MIS18A: variants seen among roughly 807,000 people sequenced by gnomAD.
MIS18A encodes the protein protein Mis18-alpha.
A neutral mutation model predicts 25.0 loss-of-function variants in MIS18A; 14 were observed. That is an observed-to-expected ratio of 0.56 (90% confidence interval 0.37 to 0.88). The LOEUF is 0.88. MIS18A is among the 40% of genes least tolerant of loss of function. The probability of loss-of-function intolerance (pLI) is 0.00; values close to 1 mark genes in which losing one functional copy is unlikely to be tolerated. For synonymous variants in MIS18A, 134 were observed against 118.6 expected, an observed-to-expected ratio of 1.13 and a Z score of -0.84; for missense variants, 292 against 290.8, an observed-to-expected ratio of 1.00 and a Z score of -0.03.
the MIS18A span, among the ~76,000 whole-genome samples, chr21:32,251,843 T>G: frequency 0.018 from 2,709 of 152,314 alleles, 35 homozygotes; most frequent in Non-Finnish European, 0.024. Flanking sequence ...CACTTGTGTT[T>G]ATGGTCCATA....
chr21:32,224,976 A>G, the MIS18A span, among the ~76,000 whole-genome samples: 1 of 132,982 alleles, frequency 7.5e-6, no homozygotes, highest in African/African-American at 2.9e-5. Flanking sequence ...ATAACGCCGC[A>G]TACCTACAAC....
At chr21:32,262,744 T>C in the MIS18A span, among the ~76,000 whole-genome samples, 2 of 152,214 alleles carry the variant, frequency 1.3e-5, no homozygotes, top group Admixed American at 1.3e-4. Context: ...AAAAGAGTTA[T>C]AGAGTTCATT....
chr21:32,199,823 C>CACAA, the MIS18A span, among the ~76,000 whole-genome samples: 4 of 151,898 alleles, frequency 2.6e-5, no homozygotes, highest in South Asian at 8.3e-4. Context: ...CAAAAACAAA[C>CACAA]ACAAACAAAC....
the MIS18A span, among the ~76,000 whole-genome samples, chr21:32,200,150 C>T: frequency 3.9e-5 from 6 of 152,188 alleles, no homozygotes; most frequent in Admixed American, 2.6e-4. Context: ...AACTAGTCAA[C>T]TATATCACTG....
In MIS18A at chr21:32,269,038, C is replaced by T. The variant is rs780011975; in HGVS notation, c.701G>A (p.Ter234=). The change falls in exon 5 of 5, where the codon TGA becomes TAA. Residue 234 remains the stop codon, a stop_retained_variant. Transcript: ENST00000290130. Reference sequence around the variant, plus strand: ...AGAATGGAGGACACAGACTAGAGTTCAGCTTTTACAAGTGGCAAAGGACAA... The same window carrying T: ...AGAATGGAGGACACAGACTAGAGTTTAGCTTTTACAAGTGGCAAAGGACAA... ...SKLSFATCKS[*] is the part of the protein sequence containing the mutation. 1 of 1,596,808 alleles carries T rather than the reference C, an allele frequency of 6.3e-7. No individual in the cohort carries two copies. Among genetic ancestry groups the T allele is most frequent in the Non-Finnish European group, 8.6e-7 (1 of 1,168,982 alleles).
chr21:32,175,813 AAAAAC>A, the MIS18A span, among the ~76,000 whole-genome samples: 42 of 150,386 alleles, frequency 2.8e-4, no homozygotes, highest in African/African-American at 9.1e-4. Context: ...CCATCTCAAA[AAAAAC>A]AAAAACAAAA....
the MIS18A span, among the ~76,000 whole-genome samples, chr21:32,231,152 C>T: frequency 1.3e-5 from 2 of 150,856 alleles, no homozygotes; most frequent in Non-Finnish European, 3.0e-5. Context: ...CAGAGAATCC[C>T]TTGAACCTGG....
At chr21:32,190,311 C>A in the MIS18A span, among the ~76,000 whole-genome samples, 1 of 152,114 alleles carries the variant, frequency 6.6e-6, no homozygotes, top group Non-Finnish European at 1.5e-5. Context: ...GCTAAAGGTG[C>A]CACCCACCTC....
the MIS18A span, among the ~76,000 whole-genome samples, chr21:32,187,968 C>A: frequency 2.0e-5 from 3 of 151,554 alleles, no homozygotes; most frequent in Admixed American, 2.0e-4. Context: ...AGATCAGGGT[C>A]TTCACAAGAA....
At chr21:32,249,158 C>T in the MIS18A span, among the ~76,000 whole-genome samples, 21 of 152,208 alleles carry the variant, frequency 1.4e-4, no homozygotes, top group Admixed American at 1.4e-3. Flanking sequence ...TGTATTTCAA[C>T]GTGGATGCTT....
the MIS18A span, among the ~76,000 whole-genome samples, chr21:32,179,113 A>AAT: frequency 1.3e-5 from 2 of 151,128 alleles, no homozygotes; most frequent in Admixed American, 6.6e-5. Flanking sequence ...AAATATATAA[A>AAT]ATATATATAT....
chr21:32,178,838 A>G, the MIS18A span, among the ~76,000 whole-genome samples: 1 of 152,132 alleles, frequency 6.6e-6, no homozygotes, highest in East Asian at 1.9e-4. Context: ...AAACTCATGT[A>G]AAACCTTTTC....
chr21:32,173,130 G>C, the MIS18A span, among the ~76,000 whole-genome samples: 7 of 152,036 alleles, frequency 4.6e-5, no homozygotes, highest in African/African-American at 1.2e-4. Context: ...TAAAGTCTTT[G>C]GTGCTTCAAA....
At chr21:32,248,052 C>T in the MIS18A span, among the ~76,000 whole-genome samples, 1 of 152,094 alleles carries the variant, frequency 6.6e-6, no homozygotes, top group African/African-American at 2.4e-5. Flanking sequence ...GTGAAGATAC[C>T]CCCTCCTTGC....
chr21:32,168,502 T>C, the MIS18A span, among the ~76,000 whole-genome samples: 4 of 152,164 alleles, frequency 2.6e-5, no homozygotes, highest in Non-Finnish European at 5.9e-5. Context: ...GAATGGTAAA[T>C]ATATTGCTGA....
At chr21:32,220,998 C>T in the MIS18A span, among the ~76,000 whole-genome samples, 6 of 152,066 alleles carry the variant, frequency 3.9e-5, no homozygotes, top group South Asian at 1.0e-3. Context: ...ACCAAACCTA[C>T]GTTTGATTGG....
chr21:32,274,921 AT>A, intron 1 of MIS18A, 25 bp from the exon 2 acceptor site: 1 of 1,582,614 alleles, frequency 6.3e-7, no homozygotes. Context: ...AGTAACAATA[AT>A]TTATTAATGT....
chr21:32,255,493 A>G, the MIS18A span, among the ~76,000 whole-genome samples: 1 of 150,314 alleles, frequency 6.7e-6, no homozygotes, highest in Non-Finnish European at 1.5e-5. Flanking sequence ...TCGGCCTCCC[A>G]AAGTCCTGGG....
intron 1 of MIS18A, among the ~76,000 whole-genome samples, chr21:32,275,884 G>A (rs752093342): frequency 7.2e-5 from 11 of 151,940 alleles, no homozygotes; most frequent in Non-Finnish European, 1.6e-4. Context: ...CTGGACTACT[G>A]CCCTGGCTCT....
Sources: allele counts gnomAD v4.1 joint callset (sites outside exome capture counted in the v4.1 genomes callset), GRCh38; gene constraint gnomAD v4.1.1; transcripts MANE v1.5; gene names NCBI Gene and HGNC (gene_info 2026-07-23, HGNC 2026-07-21).